Variants in RPGRIP1 observed in about 807,000 individuals in gnomAD.
RPGRIP1 encodes RPGR interacting protein 1.
In RPGRIP1, 128 loss-of-function variants were observed where a neutral mutation model predicts 157.9. The ratio of observed to expected loss-of-function variants is 0.81; its 90% CI spans 0.70 to 0.94. RPGRIP1 has a LOEUF of 0.94. Ranked by LOEUF, RPGRIP1 falls within the 40% of genes least tolerant of loss-of-function variation. The pLI is 0.00. For synonymous variants in RPGRIP1, 554 were observed against 571.6 expected, an observed-to-expected ratio of 0.97 and a Z score of 0.44; for missense variants, 1,486 against 1,545.8, an observed-to-expected ratio of 0.96 and a Z score of 0.65.
chr14:21,346,900 G>T (rs1194196462), intron 23 of RPGRIP1, among the ~76,000 whole-genome samples: 1 of 152,118 alleles, frequency 6.6e-6, no homozygotes, highest in South Asian at 2.1e-4. Flanking sequence ...CTTTGTCTTT[G>T]GTTAGTCATA....
rs148403933 is a variant in RPGRIP1 at position 21,296,099 on chromosome 14, C to A, written c.218+1290C>A. Among the ~76,000 whole-genome samples, 1,085 of 148,184 alleles carry A rather than the reference C, an allele frequency of 7.3e-3. 62 individuals carry two copies. The East Asian group carries it at 0.15, about 21-fold the overall frequency. Reference sequence around the variant, plus strand: ...TACAGGCACACACCACCATGGCCAGCTAATTTTTTTTTTTTTTTTGGAGAC... The same window carrying A: ...TACAGGCACACACCACCATGGCCAGATAATTTTTTTTTTTTTTTTGGAGAC... On this transcript the variant is annotated intron_variant, in intron 3 of 24. Transcript: ENST00000400017.
intron 2 of RPGRIP1, among the ~76,000 whole-genome samples, chr14:21,292,066 T>C (rs985783923): frequency 6.6e-6 from 1 of 152,158 alleles, no homozygotes; most frequent in Non-Finnish European, 1.5e-5. Flanking sequence ...CCAATTTTTA[T>C]ATTTTTTGTA....
intron 10 of RPGRIP1, among the ~76,000 whole-genome samples, chr14:21,317,070 A>G (rs1389505583): frequency 6.6e-6 from 1 of 151,978 alleles, no homozygotes; most frequent in Non-Finnish European, 1.5e-5. Context: ...CAGTGAGCCA[A>G]GATTGCACCC....
rs553251293 is a variant in RPGRIP1 at position 21,305,881 on chromosome 14, CAAAAA to C, written c.801-1847_801-1843del. Among the ~76,000 whole-genome samples, 263 of 151,696 alleles carry C rather than the reference CAAAAA, an allele frequency of 1.7e-3. 1 individual carries two copies. The highest frequency in any genetic ancestry group is 6.9e-3 in the South Asian group (33 of 4,810). On this transcript the variant is annotated intron_variant, in intron 6 of 24. Transcript: ENST00000400017. ...GTCTCAAAAACAAAACAAAACAAAA[CAAAAA>C]AAGACCATAACAGATCCCTGGGCCC...
At chr14:21,280,325 C>A (rs185036067) in intron 1 of RPGRIP1, among the ~76,000 whole-genome samples, 166 bp downstream of exon 1, 4 of 147,210 alleles carry the variant, frequency 2.7e-5, no homozygotes, top group African/African-American at 1.0e-4. Flanking sequence ...CTCACTGCAA[C>A]CTCTGCCTCC....
In RPGRIP1 at chr14:21,317,705, C is replaced by T; in HGVS notation, c.1161C>T (p.Asp387=). 6.3e-7 allele frequency: 1 copy of T among 1,584,674 alleles called. No homozygotes were observed. Among genetic ancestry groups the T allele is most frequent in the Admixed American group, 1.8e-5 (1 of 55,072 alleles). The change falls in exon 11 of 25, where the codon GAC becomes GAT. Residue 387 remains aspartate (D), a synonymous_variant. Coordinates refer to ENST00000400017, the MANE Select transcript of RPGRIP1 (RefSeq NM_020366.4). ...NYDKLLESML[D]SSDSSSQPHW... ...TGCTTTCCATTGCCAGCATGCTGGACAGCAGTGACAGCTCCAGTCAGCCCC... is the reference window on the plus strand; with the variant it reads ...TGCTTTCCATTGCCAGCATGCTGGATAGCAGTGACAGCTCCAGTCAGCCCC...
rs751684215 is a variant in RPGRIP1 at position 21,301,179 on chromosome 14, A to G, written c.432A>G (p.Gln144=). The part of the protein sequence containing the change: ...ASPRRAQPRV[Q]VGHRQLHTAG... ...CCCGCCGCGCCCAGCCTCGCGTCCA[A>G]GTGGGACACAGACAGCTCCACACAG... is the stretch of plus-strand genomic sequence containing the variant. Residue 144 remains glutamine, a synonymous_variant, in exon 4 of 25, where the codon CAA becomes CAG. Transcript: ENST00000400017. 4.3e-5 allele frequency: 68 copies of G among 1,595,396 alleles called. No individual in the cohort carries two copies. Among genetic ancestry groups the G allele is most frequent in the Non-Finnish European group, 5.4e-5 (63 of 1,171,728 alleles).
At chr14:21,281,705 A>AATAATAATAATG (rs1566663243) in intron 1 of RPGRIP1, among the ~76,000 whole-genome samples, 1 of 23,360 alleles carries the variant, frequency 4.3e-5, no homozygotes, top group Non-Finnish European at 1.2e-4. Context: ...AAAAAAAATA[A>AATAATAATAATG]ATAATAATAA....
chr14:21,343,029 T>C lies in RPGRIP1; in HGVS notation c.3340-7T>C. 1 of 1,608,946 alleles carries C rather than the reference T, an allele frequency of 6.2e-7. No individual in the cohort carries two copies. Among genetic ancestry groups the C allele is most frequent in the Non-Finnish European group, 8.5e-7 (1 of 1,176,800 alleles). On this transcript the variant is annotated splice_region_variant and splice_polypyrimidine_tract_variant and intron_variant, in intron 21 of 24. Coordinates refer to ENST00000400017, the MANE Select transcript of RPGRIP1 (RefSeq NM_020366.4). Reference sequence around the variant, plus strand: ...TTTAGGAACTAAATAAACATTTTCCTTATCAGGATTCAGAGAAGATGTGCA... The same window carrying C: ...TTTAGGAACTAAATAAACATTTTCCCTATCAGGATTCAGAGAAGATGTGCA...
intron 17 of RPGRIP1, among the ~76,000 whole-genome samples, chr14:21,327,381 C>T (rs1310757503): frequency 6.6e-6 from 1 of 152,178 alleles, no homozygotes; most frequent in Non-Finnish European, 1.5e-5. Flanking sequence ...TTTTCATACA[C>T]CCTTCACTAT....
intron 22 of RPGRIP1, among the ~76,000 whole-genome samples, chr14:21,344,097 C>A (rs1885318660): frequency 6.6e-6 from 1 of 151,626 alleles, no homozygotes; most frequent in African/African-American, 2.4e-5. Flanking sequence ...TAAAAGTTAG[C>A]TCTTTTGCAC....
At chr14:21,332,555 T>G (rs1448710350) in intron 20 of RPGRIP1, among the ~76,000 whole-genome samples, 1 of 152,184 alleles carries the variant, frequency 6.6e-6, no homozygotes, top group Admixed American at 6.5e-5. Context: ...ATAGCTTCAG[T>G]GTATCCAGAC....
Position 21,345,101 on chromosome 14 carries a change from C to T in RPGRIP1, c.3533-12C>T. 6.3e-7 allele frequency: 1 copy of T among 1,594,244 alleles called. No homozygotes were observed. The highest frequency in any genetic ancestry group is 8.6e-7 in the Non-Finnish European group (1 of 1,161,962). On this transcript the variant is annotated splice_polypyrimidine_tract_variant and intron_variant, in intron 22 of 24. Transcript: ENST00000400017. ...TATGATTCTTTGCTTTTTTCTCTTACCCTTAATACAGTAATAGACCTGGAC... is the reference window on the plus strand; with the variant it reads ...TATGATTCTTTGCTTTTTTCTCTTATCCTTAATACAGTAATAGACCTGGAC...
At chr14:21,324,307 C>T (rs4982442) in intron 14 of RPGRIP1, 101,310 of 413,814 alleles carry the variant, frequency 0.24, 13,293 homozygotes, top group Admixed American at 0.34. Context: ...ATCATAGGGC[C>T]ACGATGTACA....
chr14:21,343,725 C>T (rs10438066), intron 22 of RPGRIP1, among the ~76,000 whole-genome samples: 7,869 of 152,122 alleles, frequency 0.052, 407 homozygotes, highest in East Asian at 0.14. Flanking sequence ...CTCCTGACCT[C>T]AAGTGATCTG....
chr14:21,313,057 A>G (rs561942932), intron 10 of RPGRIP1, among the ~76,000 whole-genome samples: 1 of 151,892 alleles, frequency 6.6e-6, no homozygotes, highest in African/African-American at 2.4e-5. Context: ...GCTGGTCTCA[A>G]ACTCCTGGGC....
At chr14:21,316,413 G>T (rs934669218) in intron 10 of RPGRIP1, among the ~76,000 whole-genome samples, 1 of 151,798 alleles carries the variant, frequency 6.6e-6, no homozygotes, top group Non-Finnish European at 1.5e-5. Context: ...AGCCTGGCCG[G>T]TAAGTTATTT....
chr14:21,326,239 ACTTTT>A, intron 17 of RPGRIP1, 66 bp downstream of exon 17: 2 of 1,087,548 alleles, frequency 1.8e-6, no homozygotes, highest in Non-Finnish European at 2.6e-6. Context: ...TCCTGATTCT[ACTTTT>A]CTTTGATTAC....
rs578180388 is a variant in RPGRIP1 at position 21,304,762 on chromosome 14, C to T, written c.800+1219C>T. On this transcript the variant is annotated intron_variant, in intron 6 of 24. Coordinates refer to ENST00000400017, the MANE Select transcript of RPGRIP1 (RefSeq NM_020366.4). The stretch of plus-strand genomic sequence containing the variant: ...TGACACATCATTATCACCTGACCAT[C>T]ATTTAATAGTTTACATTAGGGTTCA... Among the ~76,000 whole-genome samples the T allele has an allele frequency of 6.6e-5, 10 of 152,062 alleles. No individual in the cohort carries two copies. In the East Asian group the frequency reaches 1.2e-3, roughly 18 times the overall value.
Sources: allele counts gnomAD v4.1 joint callset (sites outside exome capture counted in the v4.1 genomes callset), GRCh38; gene constraint gnomAD v4.1.1; transcripts MANE v1.5; gene names NCBI Gene and HGNC (gene_info 2026-07-23, HGNC 2026-07-21).